The following LRMDA variants were observed in gnomAD, a reference collection of about 807,000 sequenced individuals.
LRMDA encodes the protein leucine-rich melanocyte differentiation-associated protein.
LRMDA carries 18 observed loss-of-function variants against 29.8 expected under a neutral mutation model. The ratio of observed to expected loss-of-function variants is 0.60; its 90% CI spans 0.42 to 0.90. The LOEUF (loss-of-function observed/expected upper bound fraction) is 0.90. Among genes scored for constraint, LRMDA ranks in the 40% least tolerant of loss-of-function variants. LRMDA has a pLI of 0.00. For synonymous variants in LRMDA, 125 were observed against 109.4 expected, an observed-to-expected ratio of 1.14 and a Z score of -0.89; for missense variants, 273 against 273.9, an observed-to-expected ratio of 1.00 and a Z score of 0.02.
chr10:76,177,284 T>C (rs1850954085), intron 5 of LRMDA, among the ~76,000 whole-genome samples: 2 of 152,206 alleles, frequency 1.3e-5, no homozygotes, highest in Non-Finnish European at 2.9e-5. Flanking sequence ...CTTGCCCAAG[T>C]CAATTCAGCA....
chr10:75,443,989 C>A (rs1844360662), intron 2 of LRMDA, among the ~76,000 whole-genome samples: 1 of 152,144 alleles, frequency 6.6e-6, no homozygotes, highest in Non-Finnish European at 1.5e-5. Context: ...TCTTTGTTGT[C>A]TTGTCATTCA....
chr10:76,466,819 AG>A (rs1336289383), intron 6 of LRMDA, among the ~76,000 whole-genome samples: 2 of 152,148 alleles, frequency 1.3e-5, no homozygotes, highest in African/African-American at 4.8e-5. Flanking sequence ...AAAGAAAATA[AG>A]CAGCACAGAT....
chr10:75,497,694 C>T (rs1241245667), intron 2 of LRMDA, among the ~76,000 whole-genome samples: 1 of 151,386 alleles, frequency 6.6e-6, no homozygotes, highest in Non-Finnish European at 1.5e-5. Context: ...CGACTTCACA[C>T]AATTAAGATC....
intron 2 of LRMDA, among the ~76,000 whole-genome samples, chr10:75,771,322 T>C (rs1489788825): frequency 6.6e-6 from 1 of 152,104 alleles, no homozygotes; most frequent in Non-Finnish European, 1.5e-5. Context: ...CCAAGAGTTC[T>C]TTAACACCTA....
chr10:75,956,804 A>C (rs1007064020), intron 2 of LRMDA, among the ~76,000 whole-genome samples: 8 of 152,216 alleles, frequency 5.3e-5, no homozygotes, highest in African/African-American at 1.4e-4. Flanking sequence ...CAACTTGCAC[A>C]CAGCACTTCA....
chr10:75,932,635 G>GA (rs140514264), intron 2 of LRMDA, among the ~76,000 whole-genome samples: 1,901 of 149,374 alleles, frequency 0.013, 47 homozygotes, highest in African/African-American at 0.043. Context: ...CAAAACAACA[G>GA]AAAAAAAAAC....
At chr10:76,394,628 G>A (rs940167564) in intron 6 of LRMDA, among the ~76,000 whole-genome samples, 7 of 152,098 alleles carry the variant, frequency 4.6e-5, no homozygotes, top group African/African-American at 1.7e-4. Context: ...TTGATTCCAT[G>A]AAAATACTTG....
chr10:75,748,185 CCAGGTT>C (rs1738711240), intron 2 of LRMDA, among the ~76,000 whole-genome samples: 1 of 152,098 alleles, frequency 6.6e-6, no homozygotes, highest in Admixed American at 6.6e-5. Context: ...CCTCTGCCTC[CCAGGTT>C]CAAGTGATTT....
intron 5 of LRMDA, among the ~76,000 whole-genome samples, chr10:76,187,082 T>C (rs946097065): frequency 1.1e-4 from 17 of 152,152 alleles, no homozygotes; most frequent in African/African-American, 4.1e-4. Flanking sequence ...AGGCAAAATG[T>C]ACCCCCTTCC....
chr10:76,283,778 C>T (rs1564710750), intron 5 of LRMDA, among the ~76,000 whole-genome samples: 1 of 152,154 alleles, frequency 6.6e-6, no homozygotes, highest in Non-Finnish European at 1.5e-5. Context: ...AACCAATACC[C>T]TGGTGTATTT....
chr10:76,048,184 G>A (rs1039422854), intron 4 of LRMDA, among the ~76,000 whole-genome samples: 16 of 152,022 alleles, frequency 1.1e-4, no homozygotes, highest in Non-Finnish European at 1.6e-4. Context: ...TTTTGTATAT[G>A]TATATATGCA....
intron 2 of LRMDA, among the ~76,000 whole-genome samples, chr10:75,646,401 C>T (rs919017156): frequency 2.0e-5 from 3 of 152,132 alleles, no homozygotes; most frequent in African/African-American, 4.8e-5. Context: ...CATCGTGAGC[C>T]GTGCAGCACC....
intron 2 of LRMDA, among the ~76,000 whole-genome samples, chr10:75,672,536 C>T (rs1337879019): frequency 2.3e-3 from 11 of 4,794 alleles, no homozygotes; most frequent in East Asian, 0.018. Context: ...CTCCCCTCCC[C>T]TCCCCTCCCC....
At position 76,345,571 on chromosome 10, in the gene LRMDA, C is replaced by G. The variant is rs146412557; in HGVS notation, c.601+21086C>G. On this transcript the variant is annotated intron_variant, in intron 6 of 6. Coordinates refer to ENST00000611255, the MANE Select transcript of LRMDA (RefSeq NM_001305581.2). ...TGCTACTTATGCATAAAAGGTGGGA[C>G]AATAAGAATCTATATTTATGAAAAA... Among the ~76,000 whole-genome samples the G allele has an allele frequency of 3.1e-3, 471 of 150,968 alleles. 3 individuals carry two copies. Among genetic ancestry groups the G allele is most frequent in the African/African-American group, 0.011 (441 of 41,222 alleles).
intron 5 of LRMDA, among the ~76,000 whole-genome samples, chr10:76,276,152 G>C (rs957876800): frequency 1.3e-5 from 2 of 150,460 alleles, no homozygotes; most frequent in Non-Finnish European, 3.0e-5. Flanking sequence ...TGTTTTTGCT[G>C]TTGTTGTTGA....
intron 2 of LRMDA, among the ~76,000 whole-genome samples, chr10:75,473,927 C>G (rs1403620908): frequency 6.6e-6 from 1 of 152,182 alleles, no homozygotes; most frequent in African/African-American, 2.4e-5. Context: ...ATCTTAGGCT[C>G]TATCCTATTG....
intron 2 of LRMDA, among the ~76,000 whole-genome samples, chr10:75,757,225 A>C (rs1402362071): frequency 2.6e-5 from 4 of 151,654 alleles, no homozygotes; most frequent in Non-Finnish European, 5.9e-5. Context: ...TACCCTCCCA[A>C]CCTCCCTTCC....
intron 6 of LRMDA, among the ~76,000 whole-genome samples, chr10:76,461,218 T>G (rs1450940834): frequency 6.6e-6 from 1 of 152,166 alleles, no homozygotes. Flanking sequence ...TATTTGTGCC[T>G]CATCCTGACC....
chr10:76,535,675 A>C (rs934170697), intron 6 of LRMDA: 2 of 152,170 alleles, frequency 1.3e-5, no homozygotes, highest in African/African-American at 2.4e-5. Context: ...TTAAACATAC[A>C]TATATTCTCT....
Sources: gnomAD v4.1 joint callset for allele counts (sites outside exome capture counted in the v4.1 genomes callset) on GRCh38, gnomAD v4.1.1 for gene constraint, MANE v1.5 for transcripts, NCBI Gene and HGNC (gene_info 2026-07-23, HGNC 2026-07-21) for gene names.